ADGRB3: variants seen among roughly 807,000 people sequenced by gnomAD.
The protein encoded by ADGRB3 is adhesion G protein-coupled receptor B3, also known as brain-specific angiogenesis inhibitor 3.
A neutral mutation model predicts 193.4 loss-of-function variants in ADGRB3; 37 were observed. The observed-to-expected ratio is 0.19, with a 90% CI of 0.15 to 0.25. The LOEUF (loss-of-function observed/expected upper bound fraction) is 0.25. ADGRB3 is among the 10% of genes least tolerant of loss of function. The probability of loss-of-function intolerance (pLI) is 1.00; values close to 1 mark genes in which losing one functional copy is unlikely to be tolerated. For synonymous variants in ADGRB3, 690 were observed against 644.2 expected (o/e 1.07, Z -1.08); for missense variants, 1,637 against 1,852.9 (o/e 0.88, Z 2.14).
At chr6:69,342,931 A>G (rs1769006079) in intron 26 of ADGRB3, among the ~76,000 whole-genome samples, 1 of 151,902 alleles carries the variant, frequency 6.6e-6, no homozygotes, top group Admixed American at 6.6e-5. Flanking sequence ...TTCTATTTCT[A>G]TGTATTTTTG....
chr6:69,151,178 G>A (rs1211365205), intron 17 of ADGRB3, among the ~76,000 whole-genome samples: 2 of 152,176 alleles, frequency 1.3e-5, no homozygotes, highest in African/African-American at 4.8e-5. Flanking sequence ...CACTAGGACT[G>A]GCCTAGGAGT....
chr6:68,636,313 G>C (rs1767948587), intron 1 of ADGRB3, among the ~76,000 whole-genome samples: 1 of 152,050 alleles, frequency 6.6e-6, no homozygotes, highest in African/African-American at 2.4e-5. Context: ...AGAGAAGGCA[G>C]TGGGTCTTCT....
intron 3 of ADGRB3, among the ~76,000 whole-genome samples, chr6:68,729,799 C>G (rs989589409): frequency 4.6e-5 from 7 of 151,458 alleles, no homozygotes; most frequent in African/African-American, 1.7e-4. Flanking sequence ...TTTATTGATT[C>G]CCCATTTACA....
chr6:68,890,872 G>A (rs1766054641), intron 3 of ADGRB3, among the ~76,000 whole-genome samples: 1 of 152,170 alleles, frequency 6.6e-6, no homozygotes. Context: ...GGAAAGTTTA[G>A]CAGGCGAAAG....
chr6:69,344,645 G>C (rs1198582550), intron 26 of ADGRB3, among the ~76,000 whole-genome samples: 1 of 152,154 alleles, frequency 6.6e-6, no homozygotes. Flanking sequence ...AGAGTTACAT[G>C]AACATCCAGG....
At chr6:68,669,604 T>TTGTGTGTGTGTG (rs59849376) in intron 3 of ADGRB3, among the ~76,000 whole-genome samples, 2 of 134,752 alleles carry the variant, frequency 1.5e-5, no homozygotes, top group African/African-American at 2.8e-5. Flanking sequence ...TAATACTCCA[T>TTGTGTGTGTGTG]TGTGTGTGTG....
intron 3 of ADGRB3, among the ~76,000 whole-genome samples, chr6:68,918,353 G>C (rs986250156): frequency 6.6e-6 from 1 of 152,100 alleles, no homozygotes; most frequent in African/African-American, 2.4e-5. Flanking sequence ...ACAGTCATAT[G>C]ATGATGAGCA....
chr6:68,807,690 T>A (rs1252073786), intron 3 of ADGRB3, among the ~76,000 whole-genome samples: 1 of 152,170 alleles, frequency 6.6e-6, no homozygotes, highest in African/African-American at 2.4e-5. Context: ...ATATACTTAT[T>A]TCAAATTAAG....
At chr6:69,361,595 G>T (rs1394025482) in intron 29 of ADGRB3, 83 bp downstream of exon 29, 13 of 1,426,026 alleles carry the variant, frequency 9.1e-6, no homozygotes, top group Non-Finnish European at 1.9e-6. Context: ...TTGGTTGATT[G>T]ATTGATGTGA....
intron 3 of ADGRB3, among the ~76,000 whole-genome samples, chr6:68,851,230 T>A (rs891533366): frequency 6.6e-6 from 1 of 151,318 alleles, no homozygotes; most frequent in African/African-American, 2.4e-5. Context: ...CTCTTCTCTC[T>A]TTGCCTCCTT....
At position 69,308,171 on chromosome 6, in the gene ADGRB3, G is replaced by A. The variant is rs549475544; in HGVS notation, c.2815-16701G>A. ...TGAGACCTGGAATAAATCAAACTGCGTGAGTTTGAGTCCTGGCTCTGCCTC... is the reference window on the plus strand; with the variant it reads ...TGAGACCTGGAATAAATCAAACTGCATGAGTTTGAGTCCTGGCTCTGCCTC... On this transcript the variant is annotated intron_variant, in intron 20 of 31. Coordinates refer to ENST00000370598, the MANE Select transcript of ADGRB3 (RefSeq NM_001704.3). 5.5e-4 allele frequency among the ~76,000 whole-genome samples: 83 copies of A among 151,560 alleles called. 5 individuals are homozygous for A. The highest frequency in any genetic ancestry group is 1.7e-3 in the African/African-American group (70 of 41,228).
At chr6:69,088,404 G>A (rs1050319506) in intron 17 of ADGRB3, among the ~76,000 whole-genome samples, 2 of 151,890 alleles carry the variant, frequency 1.3e-5, no homozygotes, top group Admixed American at 1.3e-4. Flanking sequence ...ATGGAGTCTC[G>A]CTCTGTCACC....
intron 20 of ADGRB3, among the ~76,000 whole-genome samples, chr6:69,257,447 A>G (rs1048726959): frequency 6.6e-6 from 1 of 152,144 alleles, no homozygotes; most frequent in Admixed American, 6.5e-5. Flanking sequence ...TGTATGTGTC[A>G]AGGAATTTAT....
At chr6:68,816,343 G>T (rs987336073) in intron 3 of ADGRB3, among the ~76,000 whole-genome samples, 2 of 138,506 alleles carry the variant, frequency 1.4e-5, no homozygotes, top group Non-Finnish European at 1.6e-5. Flanking sequence ...ACTGTTAAAT[G>T]TAGAGTTATT....
chr6:68,993,168 G>A (rs983890459), intron 10 of ADGRB3, among the ~76,000 whole-genome samples: 7 of 149,678 alleles, frequency 4.7e-5, no homozygotes, highest in African/African-American at 1.7e-4. Flanking sequence ...AGACCCAGCA[G>A]AGAGTTTTCA....
Position 68,920,719 on chromosome 6 carries a change from T to G in ADGRB3, c.758-9840T>G, listed in dbSNP as rs186850454. Among the ~76,000 whole-genome samples the G allele has an allele frequency of 8.2e-4, 124 of 152,030 alleles. 1 individual carries two copies. Among genetic ancestry groups the G allele is most frequent in the African/African-American group, 2.9e-3 (122 of 41,480 alleles). On this transcript the variant is annotated intron_variant, in intron 3 of 31. Coordinates refer to ENST00000370598, the MANE Select transcript of ADGRB3 (RefSeq NM_001704.3). The stretch of plus-strand genomic sequence containing the variant: ...GTGTCAGGGTGAGGTAAATCAACTT[T>G]GGCCCATTCTCTGTGAAAGAATATA...
At position 69,372,388 on chromosome 6, in the gene ADGRB3, T is replaced by G; in HGVS notation, c.4240-18T>G. The G allele has an allele frequency of 7.5e-7, 1 of 1,324,644 alleles. No homozygotes were observed. Among genetic ancestry groups the G allele is most frequent in the Non-Finnish European group, 1.0e-6 (1 of 969,166 alleles). 82.1% of individuals were successfully genotyped at this position (1,324,644 alleles called of 1,614,324 possible). A position where few individuals can be genotyped will look rare whatever the true frequency, so the allele number is the denominator to read the frequency against. ...CTTTATTGGTTTTTCTCCTTCTTTT[T>G]AAAAATATATCTTACAGAGAAGAAA... is the stretch of plus-strand genomic sequence containing the variant. On this transcript the variant is annotated intron_variant, in intron 29 of 31. Transcript: ENST00000370598.
intron 20 of ADGRB3, among the ~76,000 whole-genome samples, chr6:69,278,250 T>C (rs117227115): frequency 0.011 from 1,740 of 152,296 alleles, 81 homozygotes; most frequent in East Asian, 0.085. Context: ...TTTCACACAA[T>C]AAAAGTATTC....
chr6:68,842,983 T>TA (rs1404640781), intron 3 of ADGRB3, among the ~76,000 whole-genome samples: 5 of 146,286 alleles, frequency 3.4e-5, no homozygotes, highest in African/African-American at 1.0e-4. Flanking sequence ...CACTTTATGG[T>TA]AAAAAACATA....
Sources: allele counts gnomAD v4.1 joint callset (sites outside exome capture counted in the v4.1 genomes callset), GRCh38; gene constraint gnomAD v4.1.1; transcripts MANE v1.5; gene names NCBI Gene and HGNC (gene_info 2026-07-23, HGNC 2026-07-21).